LHPP: variants seen among roughly 807,000 people sequenced by gnomAD.
The protein encoded by LHPP is phospholysine phosphohistidine inorganic pyrophosphate phosphatase, also known as hLHPP.
Under a neutral mutation model 30.3 loss-of-function variants are expected in LHPP, and 24 were observed. The observed-to-expected ratio is 0.79, with a 90% CI of 0.57 to 1.11. LHPP has a LOEUF of 1.11. Among genes scored for constraint, LHPP ranks in the 50% most tolerant of loss-of-function variants. LHPP has a pLI of 0.00. For synonymous variants in LHPP, 150 were observed against 157.1 expected (o/e 0.95, Z 0.34); for missense variants, 356 against 367.2 (o/e 0.97, Z 0.25).
At chr10:124,579,724 T>TTTTC (rs976339536) in intron 6 of LHPP, among the ~76,000 whole-genome samples, 2 of 152,222 alleles carry the variant, frequency 1.3e-5, no homozygotes, top group African/African-American at 4.8e-5. Flanking sequence ...GCCAGGAATC[T>TTTTC]TTTCTTTCTT....
chr10:124,598,087 G>T (rs907497827), intron 6 of LHPP, among the ~76,000 whole-genome samples: 2 of 152,192 alleles, frequency 1.3e-5, no homozygotes, highest in African/African-American at 4.8e-5. Context: ...CTGAGCCTCC[G>T]TTGGGTCAGT....
chr10:124,509,028 C>T (rs943269188), intron 5 of LHPP, among the ~76,000 whole-genome samples: 5 of 152,140 alleles, frequency 3.3e-5, no homozygotes, highest in Admixed American at 2.0e-4. Flanking sequence ...ACCCTCCTCC[C>T]ACCCTCCACC....
chr10:124,600,427 T>C (rs537924746), intron 6 of LHPP, among the ~76,000 whole-genome samples: 2 of 152,360 alleles, frequency 1.3e-5, no homozygotes, highest in South Asian at 4.1e-4. Flanking sequence ...GAAACAGGGC[T>C]GGCTCGATCT....
intron 6 of LHPP, among the ~76,000 whole-genome samples, chr10:124,603,229 G>A (rs1949049108): frequency 6.6e-6 from 1 of 152,224 alleles, no homozygotes; most frequent in South Asian, 2.1e-4. Context: ...GCGGGCACGG[G>A]TGGTTTGGGC....
chr10:124,535,285 A>G (rs1954996251), intron 6 of LHPP, among the ~76,000 whole-genome samples: 1 of 152,346 alleles, frequency 6.6e-6, no homozygotes, highest in South Asian at 2.1e-4. Context: ...AAGGTCACAC[A>G]GCCTTTGAAC....
At chr10:124,555,257 T>G (rs1349345087) in intron 6 of LHPP, among the ~76,000 whole-genome samples, 3 of 152,170 alleles carry the variant, frequency 2.0e-5, no homozygotes, top group Non-Finnish European at 2.9e-5. Flanking sequence ...GTGGGCGAAC[T>G]CCTGGCTGGA....
chr10:124,548,460 A>G (rs531015204), intron 6 of LHPP, among the ~76,000 whole-genome samples: 2 of 152,242 alleles, frequency 1.3e-5, no homozygotes, highest in South Asian at 2.1e-4. Context: ...TCTGCGGTGC[A>G]TAATCAATCA....
chr10:124,553,732 T>C (rs1350689705), intron 6 of LHPP, among the ~76,000 whole-genome samples: 1 of 152,194 alleles, frequency 6.6e-6, no homozygotes, highest in Non-Finnish European at 1.5e-5. Flanking sequence ...GTGCCGGGAT[T>C]ACAGGCGTGA....
rs542355492 is a variant in LHPP at position 124,544,997 on chromosome 10, GTC to G, written c.716+27730_716+27731del. ...GGTGGCTCCCAGTGGGTGTCTCCCT[GTC>G]TCTGCCCCACTCTGAGGATGTGGGT... On this transcript the variant is annotated intron_variant, in intron 6 of 6. Transcript: ENST00000368842. 2.0e-5 allele frequency among the ~76,000 whole-genome samples: 3 copies of G among 152,294 alleles called. No homozygotes were observed. In the South Asian group the frequency reaches 6.2e-4, roughly 32 times the overall value.
chr10:124,608,056 C>CAGGAGGGGGCAGAGT, intron 6 of LHPP, among the ~76,000 whole-genome samples: 1 of 151,994 alleles, frequency 6.6e-6, no homozygotes, highest in African/African-American at 2.4e-5. Flanking sequence ...GGGGGCAGAG[C>CAGGAGGGGGCAGAGT]CTCGGCGTAG....
intron 6 of LHPP, among the ~76,000 whole-genome samples, chr10:124,525,501 G>A (rs887810444): frequency 6.6e-5 from 10 of 152,170 alleles, no homozygotes; most frequent in Admixed American, 6.5e-4. Context: ...CCCAGTTTAC[G>A]GTCCTGGGAG....
intron 6 of LHPP, among the ~76,000 whole-genome samples, chr10:124,518,461 C>T (rs943900289): frequency 3.9e-5 from 6 of 152,222 alleles, no homozygotes; most frequent in East Asian, 1.9e-4. Context: ...CCGCTGACAG[C>T]GGACCTCGGG....
chr10:124,465,597 C>T (rs1019156921), intron 1 of LHPP, among the ~76,000 whole-genome samples: 22 of 152,190 alleles, frequency 1.4e-4, no homozygotes, highest in African/African-American at 5.1e-4. Flanking sequence ...GTGAGAGAGG[C>T]TCCGCCTTAC....
Position 124,590,700 on chromosome 10 carries a change from C to T in LHPP, c.717-22564C>T, listed in dbSNP as rs116367131. 8.2e-3 allele frequency among the ~76,000 whole-genome samples: 1,242 copies of T among 152,320 alleles called. 18 individuals carry two copies. The highest frequency in any genetic ancestry group is 0.029 in the African/African-American group (1,201 of 41,558). On this transcript the variant is annotated intron_variant, in intron 6 of 6. Transcript: ENST00000368842. This position sits in a 1 kb window ranked among gnomAD's most constrained non-coding sequence, Gnocchi z 4.3. ...AGCTGAGCCCTTGCCAGAGGAGACA[C>T]GGTGGGCACCAGCCCCAGCGCTGCC...
chr10:124,507,090 G>A (rs1490767922), intron 5 of LHPP, among the ~76,000 whole-genome samples: 1 of 66,372 alleles, frequency 1.5e-5, no homozygotes, highest in Non-Finnish European at 2.9e-5. Flanking sequence ...AGGTGGGGGG[G>A]TAGGGAGGAT....
At chr10:124,537,861 G>A (rs1955069152) in intron 6 of LHPP, among the ~76,000 whole-genome samples, 1 of 152,256 alleles carries the variant, frequency 6.6e-6, no homozygotes, top group Non-Finnish European at 1.5e-5. Context: ...GAATGTGTGT[G>A]GGTCTGTGCC....
At chr10:124,527,998 G>A (rs1954789065) in intron 6 of LHPP, among the ~76,000 whole-genome samples, 1 of 151,932 alleles carries the variant, frequency 6.6e-6, no homozygotes, top group African/African-American at 2.4e-5. Context: ...CAGCCTCCTG[G>A]GCTCAAGTGA....
chr10:124,501,697 A>T (rs1953905783), intron 5 of LHPP, among the ~76,000 whole-genome samples: 1 of 151,700 alleles, frequency 6.6e-6, no homozygotes, highest in Non-Finnish European at 1.5e-5. Context: ...TGAATTGAAT[A>T]CTCTGGTCAC....
chr10:124,567,789 GAC>G (rs1248217160), intron 6 of LHPP, among the ~76,000 whole-genome samples: 7 of 152,254 alleles, frequency 4.6e-5, no homozygotes, highest in Admixed American at 1.3e-4. Context: ...CAAACACATG[GAC>G]ACACATGCGC....
Sources: allele counts gnomAD v4.1 joint callset (sites outside exome capture counted in the v4.1 genomes callset), GRCh38; gene constraint gnomAD v4.1.1; non-coding constraint Gnocchi (gnomAD v3.1); transcripts MANE v1.5; gene names NCBI Gene and HGNC (gene_info 2026-07-23, HGNC 2026-07-21).